The following PALLD variants were observed in gnomAD, a reference collection of about 807,000 sequenced individuals.
PALLD encodes the protein palladin.
In PALLD, 61 loss-of-function variants were observed where a neutral mutation model predicts 123.5. The observed-to-expected ratio is 0.49, with a 90% confidence interval of 0.40 to 0.61. PALLD has a LOEUF of 0.61. Ranked by LOEUF, PALLD falls within the 20% of genes least tolerant of loss-of-function variation. The probability of loss-of-function intolerance (pLI) is 0.00; values close to 1 mark genes in which losing one functional copy is unlikely to be tolerated. For synonymous variants in PALLD, 465 were observed against 496.4 expected, an observed-to-expected ratio of 0.94 and a Z score of 0.84; for missense variants, 1,273 against 1,377.0, an observed-to-expected ratio of 0.92 and a Z score of 1.20.
intron 10 of PALLD, among the ~76,000 whole-genome samples, chr4:168,783,675 T>G (rs946257379): frequency 6.6e-6 from 1 of 152,176 alleles, no homozygotes; most frequent in Admixed American, 6.5e-5. Flanking sequence ...AGTTAATATT[T>G]GTAAAATTCC....
intron 2 of PALLD, among the ~76,000 whole-genome samples, chr4:168,634,510 C>G (rs1452983313): frequency 6.6e-6 from 1 of 152,166 alleles, no homozygotes; most frequent in Non-Finnish European, 1.5e-5. Context: ...CAGTTTTTTT[C>G]CTGAATGATT....
chr4:168,830,283 G>T (rs1744016063), intron 10 of PALLD, among the ~76,000 whole-genome samples: 1 of 151,220 alleles, frequency 6.6e-6, no homozygotes. Context: ...GGTCACGCCT[G>T]GGAGGCCGAG....
chr4:168,890,704 C>A (rs1754030038), intron 10 of PALLD, among the ~76,000 whole-genome samples: 1 of 152,138 alleles, frequency 6.6e-6, no homozygotes, highest in South Asian at 2.1e-4. Context: ...AAGGCATACT[C>A]CCCTAATGTA....
At chr4:168,891,941 G>C (rs1215366047) in intron 11 of PALLD, among the ~76,000 whole-genome samples, 3 of 152,042 alleles carry the variant, frequency 2.0e-5, no homozygotes, top group East Asian at 1.9e-4. Flanking sequence ...AAGAGTAAAG[G>C]CTGTTCCAAA....
intron 6 of PALLD, chr4:168,686,611 A>T (rs1471229015): frequency 6.6e-6 from 1 of 152,326 alleles, no homozygotes; most frequent in Non-Finnish European, 1.5e-5. Context: ...CACATTTAAA[A>T]ATATGGAACG....
At chr4:168,746,203 C>T (rs1730270924) in intron 10 of PALLD, among the ~76,000 whole-genome samples, 1 of 151,604 alleles carries the variant, frequency 6.6e-6, no homozygotes, top group Admixed American at 6.6e-5. Context: ...TTCTATAAAG[C>T]CTGCTTGGAT....
intron 8 of PALLD, among the ~76,000 whole-genome samples, chr4:168,707,976 G>C (rs1054063414): frequency 6.6e-6 from 1 of 152,146 alleles, no homozygotes; most frequent in Admixed American, 6.5e-5. Context: ...CATTTGCTCT[G>C]TGCCAGGCAA....
chr4:168,764,287 T>C (rs1733355971), intron 10 of PALLD, among the ~76,000 whole-genome samples: 2 of 152,182 alleles, frequency 1.3e-5, no homozygotes, highest in Admixed American at 6.5e-5. Flanking sequence ...GACCAATTTC[T>C]ATCATTTTCC....
chr4:168,651,692 A>G (rs72699820), intron 2 of PALLD, among the ~76,000 whole-genome samples: 3,835 of 152,220 alleles, frequency 0.025, 79 homozygotes, highest in Non-Finnish European at 0.037. Flanking sequence ...AGAAATCACA[A>G]TGACATAATG....
At chr4:168,603,056 C>T (rs1772831599) in intron 2 of PALLD, among the ~76,000 whole-genome samples, 1 of 152,180 alleles carries the variant, frequency 6.6e-6, no homozygotes, top group Admixed American at 6.5e-5. Flanking sequence ...TGTGAGCCAT[C>T]ATACCTGGCC....
intron 2 of PALLD, among the ~76,000 whole-genome samples, chr4:168,661,949 A>C (rs553027811): frequency 6.6e-6 from 1 of 152,248 alleles, no homozygotes; most frequent in South Asian, 2.1e-4. Flanking sequence ...GCATTCAATA[A>C]ATATTCTCTT....
At chr4:168,731,550 T>C (rs1204843697) in intron 10 of PALLD, among the ~76,000 whole-genome samples, 1 of 152,256 alleles carries the variant, frequency 6.6e-6, no homozygotes, top group Non-Finnish European at 1.5e-5. Context: ...CCAATTGATA[T>C]TATCTGTCTT....
intron 2 of PALLD, among the ~76,000 whole-genome samples, chr4:168,513,631 A>G (rs1047574445): frequency 2.0e-5 from 3 of 152,244 alleles, no homozygotes; most frequent in Non-Finnish European, 4.4e-5. Flanking sequence ...CCTTGCAGCT[A>G]GTAACTGCTG....
intron 2 of PALLD, chr4:168,654,627 C>T (rs993358107): frequency 7.2e-5 from 11 of 152,134 alleles, no homozygotes; most frequent in Non-Finnish European, 1.2e-4. Flanking sequence ...TGAAATGAAA[C>T]ATGGCATTTT....
intron 2 of PALLD, among the ~76,000 whole-genome samples, chr4:168,637,659 A>G (rs1403238015): frequency 6.6e-6 from 1 of 152,138 alleles, no homozygotes; most frequent in Non-Finnish European, 1.5e-5. Flanking sequence ...ATTTCTGAGG[A>G]TTAGCCAGGC....
At chr4:168,665,991 C>G (rs920964929) in intron 2 of PALLD, among the ~76,000 whole-genome samples, 3 of 150,152 alleles carry the variant, frequency 2.0e-5, no homozygotes, top group Admixed American at 2.0e-4. Flanking sequence ...AAAAAAAAAA[C>G]CTTATTTAAG....
intron 10 of PALLD, among the ~76,000 whole-genome samples, chr4:168,805,734 C>T (rs1368870173): frequency 6.6e-6 from 1 of 152,134 alleles, no homozygotes; most frequent in African/African-American, 2.4e-5. Context: ...GTTTTACCTC[C>T]TGGTAAGTTA....
intron 10 of PALLD, among the ~76,000 whole-genome samples, chr4:168,736,735 G>A (rs952172566): frequency 1.2e-4 from 18 of 152,086 alleles, no homozygotes; most frequent in African/African-American, 3.6e-4. Flanking sequence ...GCTAACAAGC[G>A]GAACAGCATC....
intron 2 of PALLD, among the ~76,000 whole-genome samples, chr4:168,665,166 C>G (rs1779512336): frequency 6.6e-6 from 1 of 152,180 alleles, no homozygotes; most frequent in Non-Finnish European, 1.5e-5. Flanking sequence ...CACAGGCCCA[C>G]ACTGGACCTT....
Sources: allele counts gnomAD v4.1 joint callset (sites outside exome capture counted in the v4.1 genomes callset), GRCh38; gene constraint gnomAD v4.1.1; transcripts MANE v1.5; gene names NCBI Gene and HGNC (gene_info 2026-07-23, HGNC 2026-07-21).